The following PCSK7 variants were observed in gnomAD, a reference collection of about 807,000 sequenced individuals.
PCSK7 encodes proprotein convertase subtilisin/kexin type 7, also known as lymphoma proprotein convertase.
A neutral mutation model predicts 73.3 loss-of-function variants in PCSK7; 38 were observed. The ratio of observed to expected loss-of-function variants is 0.52; its 90% confidence interval spans 0.40 to 0.68. The LOEUF (loss-of-function observed/expected upper bound fraction) is 0.68. Ranked by LOEUF, PCSK7 falls within the 30% of genes least tolerant of loss-of-function variation. The pLI is 0.00. For synonymous variants in PCSK7, 296 were observed against 383.8 expected (o/e 0.77, Z 2.68); for missense variants, 692 against 991.5 (o/e 0.70, Z 4.06).
intron 12 of PCSK7, chr11:117,209,524 C>T: frequency 5.9e-6 from 1 of 168,986 alleles, no homozygotes; most frequent in East Asian, 1.7e-4. Flanking sequence ...GAAATGAATA[C>T]AGATCGGTAG....
Position 117,227,342 on chromosome 11 carries a change from A to T in PCSK7, c.604-20T>A, listed in dbSNP as rs1381692383. ...AGGGCTCTGAAATATTTTGGAGGTG[A>T]CATGTGGTCATTCACTGGTTAGAGG... On this transcript the variant is annotated intron_variant, in intron 4 of 16. Transcript: ENST00000320934. The T allele has an allele frequency of 1.2e-6, 2 of 1,603,256 alleles. No individual in the cohort carries two copies. Among genetic ancestry groups the T allele is most frequent in the African/African-American group, 2.7e-5 (2 of 74,690 alleles).
intron 12 of PCSK7, chr11:117,209,983 A>C (rs71466784): frequency 6.6e-6 from 1 of 152,632 alleles, no homozygotes; most frequent in Non-Finnish European, 1.5e-5. Context: ...TGTGGCCAGA[A>C]AGGGGTAACA....
chr11:117,223,534 C>T (rs2032289843), intron 8 of PCSK7: 1 of 562,846 alleles, frequency 1.8e-6, no homozygotes, highest in Non-Finnish European at 3.2e-6. Flanking sequence ...TCAGTAGGCT[C>T]TGGGGTACAA....
intron 4 of PCSK7, 75 bp from the exon 5 acceptor site, chr11:117,227,397 A>G: frequency 9.0e-7 from 1 of 1,105,830 alleles, no homozygotes; most frequent in South Asian, 1.3e-5. Context: ...AGGGACAGAA[A>G]GGAAATGGGA....
In PCSK7 at chr11:117,218,980, C is replaced by T. The variant is rs1055473406; in HGVS notation, c.1431+77G>A. The T allele has an allele frequency of 4.6e-6, 4 of 862,682 alleles. No homozygotes were observed. The highest frequency in any genetic ancestry group is 2.3e-5 in the Admixed American group (1 of 44,002). 53.4% of individuals were successfully genotyped at this position (862,682 alleles called of 1,614,324 possible). ...ACATTTACTAGGCACCTATGATATC[C>T]CAGGCAGTTTGGGGCATTCAGCTCC... On this transcript the variant is annotated intron_variant, in intron 11 of 16. Coordinates refer to ENST00000320934, the MANE Select transcript of PCSK7 (RefSeq NM_004716.4). The surrounding 1 kb of genome is among the most constrained non-coding windows in gnomAD (Gnocchi z 4.0).
intron 5 of PCSK7, chr11:117,226,279 G>C (rs181009570): frequency 2.1e-6 from 1 of 478,378 alleles, no homozygotes; most frequent in Non-Finnish European, 3.8e-6. Flanking sequence ...GGGACTACAG[G>C]CGCATGCCAC....
Position 117,229,853 on chromosome 11 carries a change from T to A in PCSK7, c.-9A>T. On this transcript the variant is annotated 5_prime_UTR_variant, in exon 3 of 17. Transcript: ENST00000320934. Reference sequence around the variant, plus strand: ...TGCCTCCCCTTCGGCATCAGAGCAGTGGACTGCAGACAAAGAAAAAGGATA... The same window carrying A: ...TGCCTCCCCTTCGGCATCAGAGCAGAGGACTGCAGACAAAGAAAAAGGATA... 6.7e-7 allele frequency: 1 copy of A among 1,502,552 alleles called. No homozygotes were observed. The highest frequency in any genetic ancestry group is 1.3e-5 in the South Asian group (1 of 77,128). 93.1% of individuals were successfully genotyped at this position (1,502,552 alleles called of 1,614,324 possible).
chr11:117,204,359 G>C lies in PCSK7; in HGVS notation c.*1638C>G, dbSNP rs547690303. 3.1e-6 allele frequency: 5 copies of C among 1,614,120 alleles called. No homozygotes were observed. Among genetic ancestry groups the C allele is most frequent in the Non-Finnish European group, 4.2e-6 (5 of 1,180,046 alleles). ...GACGACCTCGGCAGATCATCAGTTA[G>C]AGCGGAGAGGGCTAGCCCTGAGCCC... On this transcript the variant is annotated 3_prime_UTR_variant, in exon 17 of 17. Coordinates refer to ENST00000320934, the MANE Select transcript of PCSK7 (RefSeq NM_004716.4).
At position 117,219,646 on chromosome 11, in the gene PCSK7, C is replaced by T. The variant is rs184704379; in HGVS notation, c.1268G>A (p.Arg423Gln). 10 of 1,612,616 alleles carry T rather than the reference C, an allele frequency of 6.2e-6. No homozygotes were observed. Among genetic ancestry groups the T allele is most frequent in the East Asian group, 4.5e-5 (2 of 44,728 alleles). ...AGMIALMLQVRPCLTWRDVQH... is the reference protein window; with the variant it reads ...AGMIALMLQVQPCLTWRDVQH... The stretch of plus-strand genomic sequence containing the variant: ...GACGTCACGCCACGTGAGGCAGGGC[C>T]GCACCTGCAGCATTAAGGCTATCAT... The change falls in exon 10 of 17, where the codon CGG becomes CAG. Residue 423 changes from arginine to glutamine, a missense_variant. Arg to Gln is a conservative substitution (Grantham distance 43). Around this residue, in one of 6 missense-constraint regions of PCSK7, gnomAD observed 574 missense variants for 689.8 expected, o/e 0.83. Transcript: ENST00000320934.
intron 12 of PCSK7, chr11:117,215,396 A>ATATATATATATATG (rs1565307996): frequency 3.3e-5 from 2 of 60,880 alleles, no homozygotes; most frequent in African/African-American, 2.8e-4. Context: ...ATATATATAT[A>ATATATATATATATG]TATATATATA....
At chr11:117,220,195 CAAAAGGAGGCA>C (rs1273046419) in intron 9 of PCSK7, 4 of 152,832 alleles carry the variant, frequency 2.6e-5, no homozygotes, top group Admixed American at 2.6e-4. Flanking sequence ...TGGTTGTTGG[CAAAAGGAGGCA>C]GAGATAGGAA....
chr11:117,221,225 C>G (rs1445012142), intron 9 of PCSK7: 1 of 152,182 alleles, frequency 6.6e-6, no homozygotes, highest in Non-Finnish European at 1.5e-5. Flanking sequence ...GAGCAGCTGC[C>G]AAGAGATGTA....
At chr11:117,228,101 C>T (rs2032500060) in intron 4 of PCSK7, 115 bp downstream of exon 4, 1 of 993,592 alleles carries the variant, frequency 1.0e-6, no homozygotes, top group Non-Finnish European at 1.5e-6. Context: ...CCCATCCCAC[C>T]TCCCAGGCTC....
At chr11:117,216,282 T>C (rs2031979679) in intron 12 of PCSK7, 1 of 152,238 alleles carries the variant, frequency 6.6e-6, no homozygotes, top group Non-Finnish European at 1.5e-5. Flanking sequence ...CCTCCTCTTC[T>C]ATCTCAGGGA....
In PCSK7 at chr11:117,206,136, C is replaced by T; in HGVS notation, c.2219G>A (p.Gly740Asp). The change falls in exon 17 of 17, where the codon GGC (glycine) becomes GAC (aspartate). Residue 740 changes from glycine to aspartate, a missense_variant. This residue lies in a region of PCSK7 where 78 missense variants were observed against 102.6 expected (regional missense o/e 0.76). Transcript: ENST00000320934. ...DPDEVETESR[G>D]PPTTSDLLAP... ...AAGGAGGTCAGAGGTGGTGGGAGGGCCCCTGCTCTCTGTTTCCACTTCGTC... is the reference window on the plus strand; with the variant it reads ...AAGGAGGTCAGAGGTGGTGGGAGGGTCCCTGCTCTCTGTTTCCACTTCGTC... 1 of 1,604,476 alleles carries T rather than the reference C, an allele frequency of 6.2e-7. No individual in the cohort carries two copies. Among genetic ancestry groups the T allele is most frequent in the Non-Finnish European group, 8.5e-7 (1 of 1,173,306 alleles).
intron 12 of PCSK7, chr11:117,212,469 G>C (rs1342541958): frequency 7.0e-6 from 1 of 143,724 alleles, no homozygotes; most frequent in African/African-American, 2.6e-5. Context: ...GCAGTGGCAC[G>C]ATCTCGGCTC....
intron 6 of PCSK7, 70 bp from the exon 7 acceptor site, chr11:117,224,825 G>T: frequency 8.8e-7 from 1 of 1,141,988 alleles, no homozygotes; most frequent in Non-Finnish European, 1.3e-6. Flanking sequence ...GCGCCTCCCA[G>T]TCTCAGCTGG....
rs963164985 is a variant in PCSK7, at chr11:117,226,252, T to C, written c.770-231A>G. On this transcript the variant is annotated intron_variant, in intron 5 of 16. Coordinates refer to ENST00000320934, the MANE Select transcript of PCSK7 (RefSeq NM_004716.4). Reference sequence around the variant, plus strand: ...CCTGGGTTCAAGCGATTGTCTTGCCTCAGCCTCGAAGTAGCTGGGACTACA... The same window carrying C: ...CCTGGGTTCAAGCGATTGTCTTGCCCCAGCCTCGAAGTAGCTGGGACTACA... 1.7e-5 allele frequency: 9 copies of C among 530,308 alleles called. No individual in the cohort carries two copies. In the African/African-American group the frequency reaches 1.7e-4, roughly 10 times the overall value. The allele number at this position is 530,308 out of a possible 1,614,324, so 32.9% of individuals were successfully genotyped here.
intron 10 of PCSK7, chr11:117,219,386 A>G: frequency 3.1e-6 from 2 of 636,748 alleles, no homozygotes; most frequent in Non-Finnish European, 5.4e-6. Flanking sequence ...AGGCACAGCC[A>G]GAGCTCCCCT....
Sources: allele counts gnomAD v4.1 joint callset, GRCh38; gene constraint gnomAD v4.1.1; regional missense constraint gnomAD v4.1.1; non-coding constraint Gnocchi (gnomAD v3.1); transcripts MANE v1.5; gene names NCBI Gene and HGNC (gene_info 2026-07-23, HGNC 2026-07-21).